PTPRQ: variants seen among roughly 807,000 people sequenced by gnomAD.
The protein encoded by PTPRQ is phosphatidylinositol phosphatase PTPRQ.
In PTPRQ, 199 loss-of-function variants were observed where a neutral mutation model predicts 246.0. That is an observed-to-expected ratio of 0.81 (90% confidence interval 0.72 to 0.91). The LOEUF (loss-of-function observed/expected upper bound fraction) is 0.91, where lower values mean the gene tolerates loss of function less well. Among genes scored for constraint, PTPRQ ranks in the 40% least tolerant of loss-of-function variants. The probability of loss-of-function intolerance (pLI) is 0.00; values close to 1 mark genes in which losing one functional copy is unlikely to be tolerated. For missense variants in PTPRQ, 2,624 were observed against 2,528.4 expected (o/e 1.04, Z -0.81); for synonymous variants, 869 against 853.2 (o/e 1.02, Z -0.32).
In PTPRQ at chr12:80,494,098, G is replaced by T. The variant is rs897233114; in HGVS notation, c.1540+643G>T. ...GTACTTGTCCCATTCAAAATTAAAA[G>T]TGTTATTCTATTTATGGTAGAATTA... On this transcript the variant is annotated intron_variant, in intron 10 of 44. Coordinates refer to ENST00000644991, the MANE Select transcript of PTPRQ (RefSeq NM_001145026.2). 5.9e-5 allele frequency among the ~76,000 whole-genome samples: 9 copies of T among 151,880 alleles called. No individual in the cohort carries two copies. The East Asian group carries it at 1.5e-3, about 26-fold the overall frequency.
chr12:80,463,324 A>C (rs1271301388), intron 6 of PTPRQ, among the ~76,000 whole-genome samples: 1 of 152,220 alleles, frequency 6.6e-6, no homozygotes, highest in Non-Finnish European at 1.5e-5. Context: ...AGAAAAAAGA[A>C]TAAAAAGAAA....
chr12:80,614,528 C>A (rs1898676551), intron 29 of PTPRQ, among the ~76,000 whole-genome samples: 2 of 150,804 alleles, frequency 1.3e-5, no homozygotes, highest in African/African-American at 4.8e-5. Context: ...ATTATCAGGT[C>A]ATTGATAATA....
chr12:80,610,700 C>G, intron 28 of PTPRQ, 75 bp downstream of exon 28: 3 of 1,471,448 alleles, frequency 2.0e-6, no homozygotes, highest in Non-Finnish European at 2.7e-6. Context: ...TCATACTCCA[C>G]CAAAAAAGGA....
chr12:80,645,089 A>C (rs1365504781), intron 35 of PTPRQ, among the ~76,000 whole-genome samples: 2 of 152,082 alleles, frequency 1.3e-5, no homozygotes, highest in Admixed American at 6.6e-5. Flanking sequence ...ACAGATTCTA[A>C]AAAGTGATTG....
chr12:80,473,738 A>G (rs963158269), intron 8 of PTPRQ, among the ~76,000 whole-genome samples: 2 of 152,230 alleles, frequency 1.3e-5, no homozygotes, highest in African/African-American at 4.8e-5. Flanking sequence ...CTTAATTTCT[A>G]CATTTTTTAT....
rs900554241 is a variant in PTPRQ at position 80,542,939 on chromosome 12, C to A, written c.3873+58C>A. The stretch of plus-strand genomic sequence containing the variant: ...TAAAAATCAGAAATTGAATTAAAAT[C>A]TTTTGACATATAGGAGGAAAATGGA... On this transcript the variant is annotated intron_variant, in intron 23 of 44. Transcript: ENST00000644991. 64 of 1,199,436 alleles carry A rather than the reference C, an allele frequency of 5.3e-5. No individual in the cohort carries two copies. In the African/African-American group the frequency reaches 9.8e-4, roughly 18 times the overall value. 74.3% of individuals were successfully genotyped at this position (1,199,436 alleles called of 1,614,324 possible).
At chr12:80,553,951 C>T (rs566123322) in intron 25 of PTPRQ, among the ~76,000 whole-genome samples, 2 of 152,132 alleles carry the variant, frequency 1.3e-5, no homozygotes, top group East Asian at 1.9e-4. Context: ...GTGAAATAAG[C>T]CAGGCACAGA....
intron 6 of PTPRQ, among the ~76,000 whole-genome samples, chr12:80,462,969 T>A (rs569278762): frequency 1.5e-3 from 228 of 152,066 alleles, no homozygotes; most frequent in African/African-American, 5.1e-3. Context: ...CCTCTCCTCC[T>A]CCAAAGGATG....
intron 25 of PTPRQ, chr12:80,561,662 C>G (rs185347699): frequency 6.6e-6 from 1 of 152,120 alleles, no homozygotes; most frequent in Non-Finnish European, 1.5e-5. Flanking sequence ...TTTTCCCATA[C>G]TCTTTGAGTT....
At chr12:80,508,984 A>C (rs1895046949) in intron 16 of PTPRQ, among the ~76,000 whole-genome samples, 1 of 152,062 alleles carries the variant, frequency 6.6e-6, no homozygotes, top group Non-Finnish European at 1.5e-5. Context: ...AACAATAAAC[A>C]GATTTTACAA....
At chr12:80,510,798 T>G (rs985101804) in intron 17 of PTPRQ, among the ~76,000 whole-genome samples, 1 of 152,170 alleles carries the variant, frequency 6.6e-6, no homozygotes, top group Non-Finnish European at 1.5e-5. Context: ...AAGTGTCCCT[T>G]GAGCAGAGTA....
chr12:80,673,411 T>C, intron 43 of PTPRQ, 107 bp downstream of exon 43: 5 of 1,446,796 alleles, frequency 3.5e-6, no homozygotes, highest in Non-Finnish European at 4.6e-6. Context: ...GTGGACACCT[T>C]CTTTTCCTAC....
chr12:80,497,160 C>A (rs1466166931), intron 14 of PTPRQ, among the ~76,000 whole-genome samples: 1 of 151,878 alleles, frequency 6.6e-6, no homozygotes, highest in African/African-American at 2.4e-5. Context: ...CACTTTATTT[C>A]TATTATTATT....
At chr12:80,678,383 T>G (rs149272671) in intron 43 of PTPRQ, among the ~76,000 whole-genome samples, 249 of 152,210 alleles carry the variant, frequency 1.6e-3, no homozygotes, top group African/African-American at 5.8e-3. Context: ...TAGTGACAAG[T>G]GTTAGAAAAA....
intron 23 of PTPRQ, 26 bp from the exon 24 acceptor site, chr12:80,546,530 C>T: frequency 6.5e-7 from 1 of 1,532,372 alleles, no homozygotes; most frequent in Non-Finnish European, 8.8e-7. Context: ...AGTGCATTAA[C>T]TAATAACTTT....
chr12:80,528,917 C>A (rs1243179504), intron 17 of PTPRQ, among the ~76,000 whole-genome samples: 1 of 152,036 alleles, frequency 6.6e-6, no homozygotes, highest in African/African-American at 2.4e-5. Flanking sequence ...TCTTTCCTAC[C>A]AAAAGCAAAC....
At chr12:80,496,590 G>C in intron 14 of PTPRQ, 59 bp downstream of exon 14, 4 of 1,483,592 alleles carry the variant, frequency 2.7e-6, no homozygotes, top group Non-Finnish European at 3.6e-6. Context: ...AAGCAAAGCT[G>C]ATAATCGCCA....
At chr12:80,444,588 G>A (rs1437505731) in intron 1 of PTPRQ, among the ~76,000 whole-genome samples, 153 bp from the exon 2 acceptor site, 1 of 151,170 alleles carries the variant, frequency 6.6e-6, no homozygotes, top group Non-Finnish European at 1.5e-5. Context: ...TAACATATTT[G>A]TATCTTACAA....
At chr12:80,513,474 G>C (rs913321372) in intron 17 of PTPRQ, among the ~76,000 whole-genome samples, 21 of 152,248 alleles carry the variant, frequency 1.4e-4, no homozygotes, top group Admixed American at 1.0e-3. Context: ...ACGTCCAGCC[G>C]CTTGTGTGTG....
Sources: gnomAD v4.1 joint callset for allele counts (sites outside exome capture counted in the v4.1 genomes callset) on GRCh38, gnomAD v4.1.1 for gene constraint, MANE v1.5 for transcripts, NCBI Gene and HGNC (gene_info 2026-07-23, HGNC 2026-07-21) for gene names.